KHDRBS2: variants seen among roughly 807,000 people sequenced by gnomAD.
KHDRBS2 encodes the protein KH domain-containing, RNA-binding, signal transduction-associated protein 2.
A neutral mutation model predicts 44.3 loss-of-function variants in KHDRBS2; 26 were observed. That is an observed-to-expected ratio of 0.59 (90% CI 0.43 to 0.81). The LOEUF (loss-of-function observed/expected upper bound fraction) is 0.81, where lower values mean the gene tolerates loss of function less well. Among genes scored for constraint, KHDRBS2 ranks in the 40% least tolerant of loss-of-function variants. The pLI, the probability that KHDRBS2 is intolerant of heterozygous loss-of-function variation, is 0.00. For missense variants in KHDRBS2, 476 were observed against 433.1 expected, an observed-to-expected ratio of 1.10 and a Z score of -0.88; for synonymous variants, 194 against 151.1, an observed-to-expected ratio of 1.28 and a Z score of -2.08.
intron 3 of KHDRBS2, among the ~76,000 whole-genome samples, chr6:61,989,142 T>G (rs1405468720): frequency 4.6e-5 from 7 of 152,186 alleles, no homozygotes; most frequent in Admixed American, 2.6e-4. Flanking sequence ...CTTGTAATTA[T>G]AAGTGCTTTC....
intron 4 of KHDRBS2, among the ~76,000 whole-genome samples, chr6:61,949,089 T>C (rs1764213263): frequency 6.6e-6 from 1 of 152,068 alleles, no homozygotes; most frequent in South Asian, 2.1e-4. Context: ...CCCCATGCTA[T>C]AAACATCCAG....
chr6:62,197,267 GATAGGT>G lies in KHDRBS2; in HGVS notation c.92-19961_92-19956del, dbSNP rs369069713. 3.5e-3 allele frequency among the ~76,000 whole-genome samples: 528 copies of G among 152,206 alleles called. 1 individual carries two copies. The highest frequency in any genetic ancestry group is 0.012 in the African/African-American group (513 of 41,544). On this transcript the variant is annotated intron_variant, in intron 1 of 8. Transcript: ENST00000281156. ...CACAAGCTGATGCAAATGGGATAAA[GATAGGT>G]ACTGTGATATCAAGTTAAAACTTGC... is the stretch of plus-strand genomic sequence containing the variant.
chr6:61,796,562 GTA>G (rs1785380094), intron 6 of KHDRBS2, among the ~76,000 whole-genome samples: 1 of 151,800 alleles, frequency 6.6e-6, no homozygotes, highest in Non-Finnish European at 1.5e-5. Context: ...AAAACTATTA[GTA>G]AATGATTTTA....
rs1216165551 is a variant in KHDRBS2 at position 62,070,560 on chromosome 6, A to C, written c.220-22566T>G. ...TGTGTCCATGTGTTCTCATTGTTCAATTCCCACCTATGAGTGAGAACACGC... is the reference window on the plus strand; with the variant it reads ...TGTGTCCATGTGTTCTCATTGTTCACTTCCCACCTATGAGTGAGAACACGC... On this transcript the variant is annotated intron_variant, in intron 2 of 8. Coordinates refer to ENST00000281156, the MANE Select transcript of KHDRBS2 (RefSeq NM_152688.4). Among the ~76,000 whole-genome samples the C allele has an allele frequency of 5.9e-5, 9 of 151,856 alleles. 1 individual carries two copies. The highest frequency in any genetic ancestry group is 1.9e-4 in the East Asian group (1 of 5,144).
At chr6:61,602,237 T>C in the KHDRBS2 span, among the ~76,000 whole-genome samples, 2 of 152,094 alleles carry the variant, frequency 1.3e-5, no homozygotes, top group Non-Finnish European at 2.9e-5. Context: ...CAAGTAGCAA[T>C]GTATTTTTGA....
the KHDRBS2 span, among the ~76,000 whole-genome samples, chr6:61,599,893 A>G: frequency 6.6e-6 from 1 of 152,220 alleles, no homozygotes; most frequent in East Asian, 1.9e-4. Context: ...AAGCCAAGCT[A>G]TCAGGAATGT....
intron 6 of KHDRBS2, among the ~76,000 whole-genome samples, chr6:61,882,283 C>T (rs12661824): frequency 0.33 from 50,007 of 151,812 alleles, 8,635 homozygotes; most frequent in African/African-American, 0.43. Context: ...CAGTTGTATC[C>T]GTACCTCTCC....
At chr6:62,242,193 C>T (rs1834786601) in intron 1 of KHDRBS2, among the ~76,000 whole-genome samples, 1 of 152,104 alleles carries the variant, frequency 6.6e-6, no homozygotes, top group African/African-American at 2.4e-5. Context: ...GACTTAAGAA[C>T]CCAGTTCACA....
chr6:61,813,430 G>T (rs985161205), intron 6 of KHDRBS2, among the ~76,000 whole-genome samples: 2 of 152,184 alleles, frequency 1.3e-5, no homozygotes, highest in African/African-American at 2.4e-5. Context: ...GGAGACCATT[G>T]AATTGGTAGG....
At chr6:62,128,881 G>A (rs1183737791) in intron 2 of KHDRBS2, among the ~76,000 whole-genome samples, 1 of 151,924 alleles carries the variant, frequency 6.6e-6, no homozygotes, top group Non-Finnish European at 1.5e-5. Context: ...GTTACATTCT[G>A]CTTATATACT....
chr6:61,568,523 A>G, the KHDRBS2 span, among the ~76,000 whole-genome samples: 1 of 152,176 alleles, frequency 6.6e-6, no homozygotes, highest in Non-Finnish European at 1.5e-5. Context: ...AAGAAAACAG[A>G]AAAAAATCAC....
chr6:61,901,197 A>T, intron 5 of KHDRBS2, 47 bp downstream of exon 5: 1 of 1,588,700 alleles, frequency 6.3e-7, no homozygotes, highest in Non-Finnish European at 8.6e-7. Context: ...CAGGACAAAA[A>T]AGGCCTGCCA....
rs372828969 is a variant in KHDRBS2, at chr6:62,223,211, C to A, written c.92-45899G>T. Among the ~76,000 whole-genome samples, 307 of 152,352 alleles carry A rather than the reference C, an allele frequency of 2.0e-3. 10 individuals are homozygous for A. The South Asian group carries it at 0.06, about 30-fold the overall frequency. ...GAGTTTCCCAAACCTCAATTCTAGA[C>A]TTCTGTGCACTCGCAGGCTCAACAC... On this transcript the variant is annotated intron_variant, in intron 1 of 8. Coordinates refer to ENST00000281156, the MANE Select transcript of KHDRBS2 (RefSeq NM_152688.4).
intron 7 of KHDRBS2, among the ~76,000 whole-genome samples, chr6:61,731,439 A>T (rs1483259698): frequency 1.3e-5 from 2 of 152,126 alleles, no homozygotes; most frequent in Non-Finnish European, 2.9e-5. Context: ...TAAAGATATC[A>T]GTTCACACTC....
intron 4 of KHDRBS2, among the ~76,000 whole-genome samples, chr6:61,973,102 C>G (rs1343406497): frequency 1.3e-5 from 2 of 152,112 alleles, no homozygotes; most frequent in African/African-American, 4.8e-5. Context: ...CCACTGCATT[C>G]CAGCCTGGGT....
chr6:61,638,641 TC>T, the KHDRBS2 span, among the ~76,000 whole-genome samples: 1 of 152,140 alleles, frequency 6.6e-6, no homozygotes. Context: ...ACATATACTT[TC>T]TTTGATGACT....
intron 2 of KHDRBS2, among the ~76,000 whole-genome samples, chr6:62,114,604 TTGG>T: frequency 1.3e-5 from 2 of 152,178 alleles, no homozygotes; most frequent in African/African-American, 2.4e-5. Flanking sequence ...GGCAGAAATC[TTGG>T]TATTATAAAC....
chr6:62,060,904 CTA>C (rs1791668828), intron 2 of KHDRBS2, among the ~76,000 whole-genome samples: 1 of 151,826 alleles, frequency 6.6e-6, no homozygotes, highest in African/African-American at 2.4e-5. Flanking sequence ...ATAACATGGT[CTA>C]TGTTAAAATC....
chr6:61,709,876 A>C (rs1180813861), intron 7 of KHDRBS2, among the ~76,000 whole-genome samples: 2 of 151,798 alleles, frequency 1.3e-5, no homozygotes, highest in South Asian at 2.1e-4. Context: ...ATGAGTTGTC[A>C]GTAGGATTTC....
Sources: gnomAD v4.1 joint callset for allele counts (sites outside exome capture counted in the v4.1 genomes callset) on GRCh38, gnomAD v4.1.1 for gene constraint, MANE v1.5 for transcripts, NCBI Gene and HGNC (gene_info 2026-07-23, HGNC 2026-07-21) for gene names.